The following ARHGAP22 variants were observed in gnomAD, a reference collection of about 807,000 sequenced individuals.
ARHGAP22 encodes Rho GTPase activating protein 22, also known as rho GTPase-activating protein 22.
Under a neutral mutation model 59.1 loss-of-function variants are expected in ARHGAP22, and 48 were observed. That is an observed-to-expected ratio of 0.81 (90% confidence interval 0.64 to 1.03). ARHGAP22 has a LOEUF of 1.03. ARHGAP22 is among the 50% of genes least tolerant of loss of function. ARHGAP22 has a pLI of 0.00. For synonymous variants in ARHGAP22, 445 were observed against 416.4 expected (o/e 1.07, Z -0.84); for missense variants, 1,015 against 958.7 (o/e 1.06, Z -0.78).
intron 1 of ARHGAP22, among the ~76,000 whole-genome samples, chr10:48,612,492 G>C (rs973318971): frequency 6.6e-6 from 1 of 152,144 alleles, no homozygotes; most frequent in Non-Finnish European, 1.5e-5. Context: ...CTCAGCACTG[G>C]TGGCAGTGAT....
At chr10:48,552,362 G>A (rs1357559537) in intron 3 of ARHGAP22, among the ~76,000 whole-genome samples, 1 of 152,238 alleles carries the variant, frequency 6.6e-6, no homozygotes, top group Non-Finnish European at 1.5e-5. Context: ...CCCCAGGCGG[G>A]GCTGTTAGGC....
intron 4 of ARHGAP22, among the ~76,000 whole-genome samples, chr10:48,461,073 G>A (rs1175758519): frequency 2.7e-5 from 4 of 149,728 alleles, no homozygotes; most frequent in Non-Finnish European, 5.9e-5. Context: ...ATGGTTGCAC[G>A]ATAATTGAAA....
At chr10:48,595,069 C>G (rs1018515911) in intron 1 of ARHGAP22, among the ~76,000 whole-genome samples, 2 of 152,182 alleles carry the variant, frequency 1.3e-5, no homozygotes, top group African/African-American at 4.8e-5. Context: ...GCTGGGCTCT[C>G]AGCTCTGGAG....
chr10:48,455,198 G>C, intron 5 of ARHGAP22, 64 bp from the exon 6 acceptor site: 7 of 1,502,912 alleles, frequency 4.7e-6, no homozygotes, highest in Non-Finnish European at 6.3e-6. Flanking sequence ...GGGGTGACTG[G>C]TACGCCCTGA....
intron 3 of ARHGAP22, among the ~76,000 whole-genome samples, chr10:48,497,118 T>C (rs935276): frequency 0.6 from 91,055 of 151,992 alleles, 27,928 homozygotes; most frequent in East Asian, 0.98. Context: ...TCCCACCTGC[T>C]CTTAGGTGGT....
At chr10:48,455,235 G>A in intron 5 of ARHGAP22, 101 bp from the exon 6 acceptor site, 5 of 1,372,816 alleles carry the variant, frequency 3.6e-6, no homozygotes, top group Non-Finnish European at 3.9e-6. Context: ...CTGGTCTCAG[G>A]TGCATTCTTG....
intron 3 of ARHGAP22, among the ~76,000 whole-genome samples, chr10:48,544,416 C>A (rs1457813450): frequency 2.6e-5 from 4 of 150,992 alleles, no homozygotes; most frequent in Non-Finnish European, 4.4e-5. Context: ...TTCTCTTTCT[C>A]CCCTTGCTTC....
chr10:48,480,256 C>T (rs1810627926), intron 3 of ARHGAP22, among the ~76,000 whole-genome samples: 1 of 152,126 alleles, frequency 6.6e-6, no homozygotes, highest in Admixed American at 6.5e-5. Flanking sequence ...GATGTTAAAC[C>T]AGGATGCAGC....
At position 48,450,523 on chromosome 10, in the gene ARHGAP22, C is replaced by T. The variant is rs1231366282; in HGVS notation, c.1606G>A (p.Asp536Asn). 5.3e-6 allele frequency: 8 copies of T among 1,522,596 alleles called. No homozygotes were observed. The highest frequency in any genetic ancestry group is 2.0e-5 in the Admixed American group (1 of 49,526). The allele number at this position is 1,522,596 out of a possible 1,614,324, so 94.3% of individuals were successfully genotyped here. Residue 536 changes from aspartate to asparagine, a missense_variant, in exon 9 of 10, where the codon GAC (aspartate) becomes AAC (asparagine). Physicochemically the swap from Asp to Asn is conservative, Grantham distance 23. Transcript: ENST00000249601. ...LSSCTACRAS[D>N]SSARSSLHTD... ...TGCAGGGAACTGCGGGCAGACGAGT[C>T]GCTGGCGCGGCAGGCCGTGCAGCTG... is the stretch of plus-strand genomic sequence containing the variant.
intron 3 of ARHGAP22, among the ~76,000 whole-genome samples, chr10:48,549,574 C>T (rs1269106185): frequency 2.0e-5 from 3 of 152,150 alleles, no homozygotes; most frequent in Non-Finnish European, 4.4e-5. Context: ...GAGATTTCTG[C>T]TTTCTGCTGC....
rs1371026846 is a variant in ARHGAP22 at position 48,450,558 on chromosome 10, C to T, written c.1571G>A (p.Gly524Asp). 2.0e-6 allele frequency: 3 copies of T among 1,525,180 alleles called. No individual in the cohort carries two copies. Among genetic ancestry groups the T allele is most frequent in the Admixed American group, 2.0e-5 (1 of 49,658 alleles). 94.5% of individuals were successfully genotyped at this position (1,525,180 alleles called of 1,614,324 possible). ...GASSSESSVG[G>D]SLSSCTACRA... is the part of the protein sequence containing the mutation. Reference sequence around the variant, plus strand: ...GCAGGCCGTGCAGCTGCTGAGTGAGCCCCCCACCGACGACTCGCTGGACGA... The same window carrying T: ...GCAGGCCGTGCAGCTGCTGAGTGAGTCCCCCACCGACGACTCGCTGGACGA... Residue 524 changes from glycine (G) to aspartate (D), a missense_variant, in exon 9 of 10, where the codon GGC becomes GAC. By Grantham distance (94) the Gly-to-Asp change is moderately conservative (BLOSUM62 -1). Transcript: ENST00000249601.
At chr10:48,563,753 G>A (rs1357503346) in intron 2 of ARHGAP22, among the ~76,000 whole-genome samples, 4 of 152,156 alleles carry the variant, frequency 2.6e-5, no homozygotes, top group Non-Finnish European at 5.9e-5. Flanking sequence ...AACTTGCAAT[G>A]TAAATCTGAT....
At chr10:48,649,571 C>T (rs753925694) in intron 1 of ARHGAP22, among the ~76,000 whole-genome samples, 129 of 152,234 alleles carry the variant, frequency 8.5e-4, no homozygotes, top group Non-Finnish European at 1.4e-3. Context: ...ATGGGGAGTG[C>T]CAGGAGGGTC....
At position 48,455,059 on chromosome 10, in the gene ARHGAP22, G is replaced by T; in HGVS notation, c.735C>A (p.Phe245Leu). 6.2e-7 allele frequency: 1 copy of T among 1,612,486 alleles called. No individual in the cohort carries two copies. Among genetic ancestry groups the T allele is most frequent in the Non-Finnish European group, 8.5e-7 (1 of 1,179,544 alleles). Residue 245 changes from phenylalanine to leucine, a missense_variant, in exon 6 of 10, where the codon TTC (phenylalanine) becomes TTA (leucine). Physicochemically the swap from Phe to Leu is conservative, Grantham distance 22. Coordinates refer to ENST00000249601, the MANE Select transcript of ARHGAP22 (RefSeq NM_021226.4). ...AGCTGAGGAAGTCCTCGTACCTGGC[G>T]AAGGGGACCACGGGCTCGGGGAGCT... Reference protein sequence around the residue: ...LRELPEPVVPFARYEDFLSCA... With the variant: ...LRELPEPVVPLARYEDFLSCA...
chr10:48,472,937 G>T (rs761559725), intron 4 of ARHGAP22, among the ~76,000 whole-genome samples: 5 of 152,170 alleles, frequency 3.3e-5, no homozygotes, highest in Non-Finnish European at 5.9e-5. Flanking sequence ...TGGTCTGGAG[G>T]CTCCTCAAAA....
At chr10:48,586,658 A>G (rs1247729465) in intron 1 of ARHGAP22, among the ~76,000 whole-genome samples, 2 of 152,196 alleles carry the variant, frequency 1.3e-5, no homozygotes, top group East Asian at 1.9e-4. Flanking sequence ...CCAACATAAA[A>G]TAGTATAATT....
intron 1 of ARHGAP22, among the ~76,000 whole-genome samples, chr10:48,641,365 AC>A (rs2136156745): frequency 6.6e-6 from 1 of 152,322 alleles, no homozygotes; most frequent in East Asian, 1.9e-4. Flanking sequence ...ATTCAAAGAC[AC>A]AAACTGGTTA....
intron 2 of ARHGAP22, among the ~76,000 whole-genome samples, chr10:48,564,599 A>G (rs1255810171): frequency 6.6e-6 from 1 of 152,240 alleles, no homozygotes; most frequent in Non-Finnish European, 1.5e-5. Flanking sequence ...TTCATGCAGC[A>G]CTGCCCATGC....
chr10:48,483,465 T>A, intron 3 of ARHGAP22, among the ~76,000 whole-genome samples: 1 of 152,156 alleles, frequency 6.6e-6, no homozygotes, highest in East Asian at 1.9e-4. Flanking sequence ...TACTTTTAGG[T>A]TTTTTGAGAA....
Sources: allele counts gnomAD v4.1 joint callset (sites outside exome capture counted in the v4.1 genomes callset), GRCh38; gene constraint gnomAD v4.1.1; transcripts MANE v1.5; gene names NCBI Gene and HGNC (gene_info 2026-07-23, HGNC 2026-07-21).